The following ABCC5 variants were observed in gnomAD, a reference collection of about 807,000 sequenced individuals.
ABCC5 encodes ATP binding cassette subfamily C member 5.
In ABCC5, 61 loss-of-function variants were observed where a neutral mutation model predicts 160.9. That is an observed-to-expected ratio of 0.38 (90% CI 0.31 to 0.47). The LOEUF (loss-of-function observed/expected upper bound fraction) is 0.47, where lower values mean the gene tolerates loss of function less well. Among genes scored for constraint, ABCC5 ranks in the 20% least tolerant of loss-of-function variants. The pLI is 0.99. For synonymous variants in ABCC5, 666 were observed against 700.6 expected (o/e 0.95, Z 0.78); for missense variants, 1,308 against 1,813.3 (o/e 0.72, Z 5.06).
At chr3:184,008,103 C>T (rs2108917165) in intron 2 of ABCC5, among the ~76,000 whole-genome samples, 2 of 132,900 alleles carry the variant, frequency 1.5e-5, no homozygotes, top group South Asian at 4.8e-4. Flanking sequence ...AAATTACAGT[C>T]ATCTATGTAG....
In ABCC5 at chr3:183,955,778, T is replaced by C. The variant is rs79785156; in HGVS notation, c.2483-2508A>G. ...GTTACATGCAGATCTGTGTGTATATTACATCTGTTACATGCAGATCCATGT... is the reference window on the plus strand; with the variant it reads ...GTTACATGCAGATCTGTGTGTATATCACATCTGTTACATGCAGATCCATGT... On this transcript the variant is annotated intron_variant, in intron 17 of 29. Transcript: ENST00000334444. Among the ~76,000 whole-genome samples the C allele has an allele frequency of 1.0e-4, 14 of 136,486 alleles. 1 individual carries two copies. The highest frequency in any genetic ancestry group is 2.8e-4 in the East Asian group (1 of 3,634). 89.5% of individuals were successfully genotyped at this position (136,486 alleles called of 152,430 possible). A position where few individuals can be genotyped will look rare whatever the true frequency, so the allele number is the denominator to read the frequency against.
chr3:183,967,301 G>T, intron 12 of ABCC5: 1 of 214,408 alleles, frequency 4.7e-6, no homozygotes, highest in Non-Finnish European at 9.4e-6. Context: ...AGAGAGGCTG[G>T]GAGTGCTGGC....
intron 25 of ABCC5, among the ~76,000 whole-genome samples, chr3:183,941,958 G>A (rs1039301080): frequency 7.7e-4 from 117 of 151,128 alleles, no homozygotes; most frequent in African/African-American, 2.7e-3. Context: ...TGGCAACAGA[G>A]TGAGACTTTG....
At chr3:183,979,611 C>G (rs551614138) in intron 8 of ABCC5, among the ~76,000 whole-genome samples, 1 of 152,236 alleles carries the variant, frequency 6.6e-6, no homozygotes, top group South Asian at 2.1e-4. Flanking sequence ...GACGAGGTCT[C>G]GCTCTGTTGC....
At chr3:184,016,493 G>GA (rs1576962961) in intron 1 of ABCC5, among the ~76,000 whole-genome samples, 1 of 152,188 alleles carries the variant, frequency 6.6e-6, no homozygotes, top group East Asian at 1.9e-4. Flanking sequence ...GGTTTGGAAA[G>GA]AAACAAAGCC....
Position 183,982,204 on chromosome 3 carries a change from C to T in ABCC5, c.999+247G>A, listed in dbSNP as rs1378865335. The stretch of plus-strand genomic sequence containing the variant: ...CGCAGTGACTCAAACACTCCTATGT[C>T]AAGTGGGACAGGGTTCACCAGCTGA... On this transcript the variant is annotated intron_variant, in intron 7 of 29. Coordinates refer to ENST00000334444, the MANE Select transcript of ABCC5 (RefSeq NM_005688.4). The surrounding 1 kb of genome is among the most constrained non-coding windows in gnomAD (Gnocchi z 5.2). Among the ~76,000 whole-genome samples the T allele has an allele frequency of 6.6e-6, 1 of 152,152 alleles. No homozygotes were observed. Among genetic ancestry groups the T allele is most frequent in the African/African-American group, 2.4e-5 (1 of 41,430 alleles).
At chr3:183,986,852 TTAA>T (rs1268051450) in intron 5 of ABCC5, 1 of 152,148 alleles carries the variant, frequency 6.6e-6, no homozygotes, top group Admixed American at 6.5e-5. Context: ...TGGTCAATTA[TTAA>T]TAATATAGAA....
At chr3:183,961,025 G>T (rs1449023587) in intron 16 of ABCC5, among the ~76,000 whole-genome samples, 1 of 152,144 alleles carries the variant, frequency 6.6e-6, no homozygotes, top group African/African-American at 2.4e-5. Flanking sequence ...CTGGGCGCAA[G>T]CAATCTGTCC....
chr3:183,948,134 T>C (rs949623843), intron 22 of ABCC5, among the ~76,000 whole-genome samples: 2 of 152,260 alleles, frequency 1.3e-5, no homozygotes, highest in African/African-American at 4.8e-5. Context: ...CAGACCCCTC[T>C]GAAGGCTCAG....
At chr3:183,930,833 T>C (rs1713106500) in intron 26 of ABCC5, among the ~76,000 whole-genome samples, 1 of 152,164 alleles carries the variant, frequency 6.6e-6, no homozygotes, top group South Asian at 2.1e-4. Flanking sequence ...TTTGAAGCCA[T>C]CCAGTTTGTG....
At chr3:183,985,410 A>G in intron 5 of ABCC5, 1 of 1,574,148 alleles carries the variant, frequency 6.4e-7, no homozygotes, top group Non-Finnish European at 8.7e-7. Flanking sequence ...TGGTTCCACT[A>G]CAGAGAGACT....
At chr3:183,981,199 T>G (rs1718711784) in intron 8 of ABCC5, among the ~76,000 whole-genome samples, 1 of 152,222 alleles carries the variant, frequency 6.6e-6, no homozygotes, top group African/African-American at 2.4e-5. Context: ...GTTCAATTTG[T>G]GTTGAGATCT....
chr3:183,984,455 C>G, intron 5 of ABCC5: 1 of 1,023,778 alleles, frequency 9.8e-7, no homozygotes, highest in South Asian at 3.8e-5. Flanking sequence ...AGGCCAGACA[C>G]CACGGTCTGG....
chr3:183,929,851 C>G (rs1045918110), intron 26 of ABCC5, among the ~76,000 whole-genome samples: 1 of 152,090 alleles, frequency 6.6e-6, no homozygotes, highest in Non-Finnish European at 1.5e-5. Flanking sequence ...TGCTCAAGCT[C>G]AAGTGATGAG....
intron 18 of ABCC5, among the ~76,000 whole-genome samples, chr3:183,952,208 G>A (rs1211725479): frequency 2.0e-5 from 3 of 148,532 alleles, no homozygotes; most frequent in East Asian, 2.0e-4. Flanking sequence ...GTGCAGTGGC[G>A]CAATCATGGC....
intron 10 of ABCC5, 22 bp downstream of exon 10, chr3:183,977,495 G>A (rs1382276091): frequency 1.3e-6 from 2 of 1,554,258 alleles, no homozygotes; most frequent in Non-Finnish European, 1.8e-6. Flanking sequence ...CTGACACGGG[G>A]GCAGGGGAAG....
chr3:183,937,785 C>T lies in ABCC5; in HGVS notation c.3854+116G>A, dbSNP rs146368483. The T allele has an allele frequency of 5.4e-5, 63 of 1,171,720 alleles. No homozygotes were observed. The African/African-American group carries it at 8.2e-4, about 15-fold the overall frequency. The allele number at this position is 1,171,720 out of a possible 1,614,324, so 72.6% of individuals were successfully genotyped here. A position where few individuals can be genotyped will look rare whatever the true frequency, so the allele number is the denominator to read the frequency against. ...AGCACATGGTGCAGTGGGAAAAGCA[C>T]CAGACTAGAGATGGTGAGCTCATGG... On this transcript the variant is annotated intron_variant, in intron 26 of 29. Transcript: ENST00000334444.
chr3:183,967,375 C>CT (rs1195347997), intron 12 of ABCC5: 1 of 326,440 alleles, frequency 3.1e-6, no homozygotes, highest in African/African-American at 2.1e-5. Context: ...CTGCTCATCT[C>CT]TTATCTCTGA....
At chr3:183,976,355 A>G (rs1251851284) in intron 10 of ABCC5, among the ~76,000 whole-genome samples, 1 of 152,072 alleles carries the variant, frequency 6.6e-6, no homozygotes, top group East Asian at 1.9e-4. Context: ...CCTGGGCTCA[A>G]GCAATCTTCC....
Sources: gnomAD v4.1 joint callset for allele counts (sites outside exome capture counted in the v4.1 genomes callset) on GRCh38, gnomAD v4.1.1 for gene constraint, Gnocchi (gnomAD v3.1) non-coding constraint, MANE v1.5 for transcripts, NCBI Gene and HGNC (gene_info 2026-07-23, HGNC 2026-07-21) for gene names.